The following KDM4B variants were observed in gnomAD, a reference collection of about 807,000 sequenced individuals.
The protein encoded by KDM4B is lysine demethylase 4B, also known as lysine-specific demethylase 4B.
KDM4B carries 32 observed loss-of-function variants against 125.2 expected under a neutral mutation model. That is an observed-to-expected ratio of 0.26 (90% confidence interval 0.19 to 0.34). The LOEUF is 0.34. Ranked by LOEUF, KDM4B falls within the 10% of genes least tolerant of loss-of-function variation. The probability of loss-of-function intolerance (pLI) is 1.00; values close to 1 mark genes in which losing one functional copy is unlikely to be tolerated. For synonymous variants in KDM4B, 721 were observed against 677.9 expected (o/e 1.06, Z -0.99); for missense variants, 1,190 against 1,577.7 (o/e 0.75, Z 4.16).
intron 1 of KDM4B, among the ~76,000 whole-genome samples, chr19:4,972,672 A>G (rs1568197209): frequency 6.6e-6 from 1 of 152,240 alleles, no homozygotes; most frequent in Non-Finnish European, 1.5e-5. Flanking sequence ...TCAGCCCTGC[A>G]GTAGCTCATG....
At chr19:5,133,836 T>G in intron 13 of KDM4B, 47 bp from the exon 14 acceptor site, 1 of 1,597,012 alleles carries the variant, frequency 6.3e-7, no homozygotes. Context: ...TGGACGAGTT[T>G]TTAGGGGGCT....
chr19:5,041,294 G>A, intron 5 of KDM4B, 43 bp downstream of exon 5: 1 of 1,473,604 alleles, frequency 6.8e-7, no homozygotes, highest in Non-Finnish European at 9.5e-7. Context: ...CAGCTTCCTG[G>A]TGGGTGGTGG....
At chr19:4,995,891 G>A (rs1445993013) in intron 1 of KDM4B, among the ~76,000 whole-genome samples, 3 of 152,226 alleles carry the variant, frequency 2.0e-5, no homozygotes, top group East Asian at 1.9e-4. Context: ...GGTGTCACGC[G>A]TAGATCTTTG....
At chr19:5,088,019 C>T (rs1185258130) in intron 9 of KDM4B, among the ~76,000 whole-genome samples, 18 of 152,252 alleles carry the variant, frequency 1.2e-4, no homozygotes, top group Admixed American at 1.2e-3. Context: ...TTGCTTTCCC[C>T]TCAGAAACTA....
At position 5,141,490 on chromosome 19, in the gene KDM4B, A is replaced by G. The variant is rs1473486635; in HGVS notation, c.2551-2477A>G. On this transcript the variant is annotated intron_variant, in intron 18 of 22. Transcript: ENST00000159111. This position sits in a 1 kb window ranked among gnomAD's most constrained non-coding sequence, Gnocchi z 6.4. ...CGGTGCTTGTAACGATGAATTAAAA[A>G]TCCTTTTACACGAGGCCCGCTTGTA... The G allele has an allele frequency of 6.6e-6, 1 of 152,156 alleles. No individual in the cohort carries two copies. Among genetic ancestry groups the G allele is most frequent in the African/African-American group, 2.4e-5 (1 of 41,414 alleles). 9.4% of individuals were successfully genotyped at this position (152,156 alleles called of 1,614,324 possible). A position where few individuals can be genotyped will look rare whatever the true frequency, so the allele number is the denominator to read the frequency against.
intron 6 of KDM4B, among the ~76,000 whole-genome samples, chr19:5,053,052 T>A (rs1599511342): frequency 6.6e-6 from 1 of 152,288 alleles, no homozygotes; most frequent in South Asian, 2.1e-4. Context: ...CCGACAGGGG[T>A]GGCGTAGCCT....
intron 2 of KDM4B, among the ~76,000 whole-genome samples, chr19:5,026,361 G>A (rs2036277667): frequency 1.3e-5 from 2 of 151,998 alleles, no homozygotes; most frequent in Non-Finnish European, 2.9e-5. Flanking sequence ...TCTGTTGCCT[G>A]GGCTGGAGTG....
chr19:4,998,021 A>G (rs1034713341), intron 1 of KDM4B, among the ~76,000 whole-genome samples: 5 of 152,268 alleles, frequency 3.3e-5, no homozygotes, highest in South Asian at 2.1e-4. Context: ...TCAGATACCT[A>G]TAAATAAGTG....
chr19:4,985,672 T>A (rs1000731827), intron 1 of KDM4B, among the ~76,000 whole-genome samples: 3 of 152,190 alleles, frequency 2.0e-5, no homozygotes, highest in Non-Finnish European at 4.4e-5. Flanking sequence ...GGCAGGAGGC[T>A]TTGGGGGCCG....
intron 9 of KDM4B, among the ~76,000 whole-genome samples, chr19:5,093,156 G>A (rs2038745896): frequency 6.6e-6 from 1 of 152,234 alleles, no homozygotes. Context: ...CTTCAGGGCA[G>A]CATGTGGAGG....
At chr19:4,981,416 C>T (rs148799590) in intron 1 of KDM4B, among the ~76,000 whole-genome samples, 2 of 152,324 alleles carry the variant, frequency 1.3e-5, no homozygotes, top group East Asian at 1.9e-4. Context: ...GAGCTGCTCC[C>T]GCGAATCCAG....
rs141780999 is a variant in KDM4B at position 5,078,885 on chromosome 19, T to C, written c.780+1415T>C. 2 of 152,190 alleles carry C rather than the reference T, an allele frequency of 1.3e-5. No individual in the cohort carries two copies. The highest frequency in any genetic ancestry group is 2.9e-5 in the Non-Finnish European group (2 of 68,030). The allele number at this position is 152,190 out of a possible 1,614,324, so 9.4% of individuals were successfully genotyped here. On this transcript the variant is annotated intron_variant, in intron 8 of 22. Coordinates refer to ENST00000159111, the MANE Select transcript of KDM4B (RefSeq NM_015015.3). The surrounding 1 kb of genome is among the most constrained non-coding windows in gnomAD (Gnocchi z 4.5). ...CTGGTTGCTGGGGCCGGGCGCCAGTTTCTCCAGAGGCTGCCACAGTGAAGG... is the reference window on the plus strand; with the variant it reads ...CTGGTTGCTGGGGCCGGGCGCCAGTCTCTCCAGAGGCTGCCACAGTGAAGG...
At chr19:5,049,241 G>A (rs1379428137) in intron 6 of KDM4B, among the ~76,000 whole-genome samples, 2 of 152,128 alleles carry the variant, frequency 1.3e-5, no homozygotes, top group Admixed American at 1.3e-4. Flanking sequence ...GTTCATCCAG[G>A]ACGCAGCCTC....
chr19:5,072,841 C>G (rs966479711), intron 7 of KDM4B, among the ~76,000 whole-genome samples: 2 of 152,144 alleles, frequency 1.3e-5, no homozygotes, highest in African/African-American at 4.8e-5. Context: ...GGAGAACCCA[C>G]TTCCCGCCTT....
At chr19:5,033,326 C>G (rs263054) in intron 3 of KDM4B, among the ~76,000 whole-genome samples, 138,972 of 152,302 alleles carry the variant, frequency 0.91, 63,678 homozygotes, top group African/African-American at 0.98. Context: ...GGGCAGTGGG[C>G]CACCAGGTTG....
At chr19:4,969,832 A>C in intron 1 of KDM4B, among the ~76,000 whole-genome samples, 2 of 149,580 alleles carry the variant, frequency 1.3e-5, no homozygotes, top group African/African-American at 2.5e-5. Flanking sequence ...TAGCTTCCAA[A>C]CTTGCCCCCC....
intron 20 of KDM4B, 60 bp downstream of exon 20, chr19:5,144,472 C>A (rs530420875): frequency 6.8e-7 from 1 of 1,471,488 alleles, no homozygotes; most frequent in Non-Finnish European, 9.1e-7. Flanking sequence ...ACAACCTGTA[C>A]CCTGAGAGCA....
intron 10 of KDM4B, among the ~76,000 whole-genome samples, chr19:5,117,552 C>G (rs923050722): frequency 1.3e-5 from 2 of 152,176 alleles, no homozygotes; most frequent in Non-Finnish European, 2.9e-5. Context: ...CAGCGCCGGT[C>G]TGAAGCTTCC....
intron 5 of KDM4B, among the ~76,000 whole-genome samples, chr19:5,041,479 G>A (rs2036814706): frequency 6.6e-6 from 1 of 152,182 alleles, no homozygotes; most frequent in Non-Finnish European, 1.5e-5. Context: ...CCCCCACCCT[G>A]AGCTCACCCT....
Sources: gnomAD v4.1 joint callset for allele counts (sites outside exome capture counted in the v4.1 genomes callset) on GRCh38, gnomAD v4.1.1 for gene constraint, Gnocchi (gnomAD v3.1) non-coding constraint, MANE v1.5 for transcripts, NCBI Gene and HGNC (gene_info 2026-07-23, HGNC 2026-07-21) for gene names.